MIB2: variants seen among roughly 807,000 people sequenced by gnomAD.
MIB2 encodes the protein E3 ubiquitin-protein ligase MIB2.
MIB2 carries 78 observed loss-of-function variants against 96.6 expected under a neutral mutation model. The ratio of observed to expected loss-of-function variants is 0.81; its 90% CI spans 0.67 to 0.97. MIB2 has a LOEUF of 0.97. Ranked by LOEUF, MIB2 falls within the 50% of genes least tolerant of loss-of-function variation. The probability of loss-of-function intolerance (pLI) is 0.00; values close to 1 mark genes in which losing one functional copy is unlikely to be tolerated. For missense variants in MIB2, 1,543 were observed against 1,424.0 expected, an observed-to-expected ratio of 1.08 and a Z score of -1.35; for synonymous variants, 820 against 629.5, an observed-to-expected ratio of 1.30 and a Z score of -4.53.
intron 18 of MIB2, 23 bp from the exon 19 acceptor site, chr1:1,629,616 C>T (rs760877262): frequency 3.2e-6 from 5 of 1,573,612 alleles, no homozygotes; most frequent in Admixed American, 3.6e-5. Flanking sequence ...GGGCCGCAGC[C>T]AACCGCGCTC....
chr1:1,630,077 C>G (rs1290812956), intron 19 of MIB2, among the ~76,000 whole-genome samples: 1 of 148,844 alleles, frequency 6.7e-6, no homozygotes, highest in African/African-American at 2.5e-5. Context: ...CTGACTCCAG[C>G]CCGCACACCA....
In MIB2 at chr1:1,615,633, G is replaced by T; in HGVS notation, c.-130G>T. 1 of 1,574,460 alleles carries T rather than the reference G, an allele frequency of 6.4e-7. No homozygotes were observed. The highest frequency in any genetic ancestry group is 8.6e-7 in the Non-Finnish European group (1 of 1,164,472). Reference sequence around the variant, plus strand: ...GATGCGGGCCGTCCTCTCGGCTGATGGTGCGTGCGGGCGCGGATCTCCTCC... The same window carrying T: ...GATGCGGGCCGTCCTCTCGGCTGATTGTGCGTGCGGGCGCGGATCTCCTCC... On this transcript the variant is annotated splice_region_variant and 5_prime_UTR_variant, in exon 1 of 20. It removes an upstream start codon present in the reference 5' UTR. Transcript: ENST00000355826.
chr1:1,623,091 T>G, intron 2 of MIB2: 7 of 445,468 alleles, frequency 1.6e-5, no homozygotes, highest in East Asian at 8.4e-5. Context: ...GTCCAGCTCA[T>G]TAATTGGCTG....
At chr1:1,617,376 A>G (rs537230634) in intron 2 of MIB2, 1 of 152,346 alleles carries the variant, frequency 6.6e-6, no homozygotes, top group Non-Finnish European at 1.5e-5. Context: ...TACTTGCAAT[A>G]AGGGAACTCT....
At position 1,623,822 on chromosome 1, in the gene MIB2, T is replaced by C. The variant is rs756559181; in HGVS notation, c.296T>C (p.Leu99Pro). ...IICDCCKKHGLRGMRWKCRVC... is the reference protein window; with the variant it reads ...IICDCCKKHGPRGMRWKCRVC... ...TGTGACTGCTGCAAGAAGCACGGGC[T>C]GCGGGGGATGCGCTGGAAGTGCCGT... Residue 99 changes from leucine to proline, a missense_variant, in exon 4 of 20, where the codon CTG becomes CCG. By Grantham distance (98) the Leu-to-Pro change is moderately conservative. Coordinates refer to ENST00000355826, the MANE Select transcript of MIB2 (RefSeq NM_001170687.4). 2 of 1,610,000 alleles carry C rather than the reference T, an allele frequency of 1.2e-6. No individual in the cohort carries two copies. The highest frequency in any genetic ancestry group is 1.1e-5 in the South Asian group (1 of 90,548).
At chr1:1,629,593 G>A in intron 18 of MIB2, 27 bp downstream of exon 18, 1 of 1,563,804 alleles carries the variant, frequency 6.4e-7, no homozygotes, top group African/African-American at 1.4e-5. Flanking sequence ...GGGGTGGGGA[G>A]GCCCGGCTAG....
intron 2 of MIB2, among the ~76,000 whole-genome samples, chr1:1,622,241 A>C (rs1476484020): frequency 6.6e-6 from 1 of 152,184 alleles, no homozygotes; most frequent in Non-Finnish European, 1.5e-5. Flanking sequence ...TAGTGGTTTA[A>C]TGAAAATTGA....
Position 1,626,760 on chromosome 1 carries a change from T to TC in MIB2, c.1077+11dup. On this transcript the variant is annotated splice_region_variant and intron_variant, in intron 9 of 19. Coordinates refer to ENST00000355826, the MANE Select transcript of MIB2 (RefSeq NM_001170687.4). This position sits in a 1 kb window ranked among gnomAD's most constrained non-coding sequence, Gnocchi z 5.3. ...GGACGGACGACATGGCCCCTGTGAG[T>TC]CCCCCTGCCACCCCCGCCGCTAGCG... The TC allele has an allele frequency of 6.4e-7, 1 of 1,555,412 alleles. No homozygotes were observed. Among genetic ancestry groups the TC allele is most frequent in the Non-Finnish European group, 8.7e-7 (1 of 1,155,222 alleles).
rs778162188 is a variant in MIB2 at position 1,627,817 on chromosome 1, C to T, written c.1668C>T (p.Asp556=). The stretch of plus-strand genomic sequence containing the variant: ...GGGCCCTGTGTGAGCGCGGCTGTGA[C>T]GTCAACCTGCCCGTGAGTGCTGCTC... ...VVRALCERGC[D]VNLPDAHSDT... The change falls in exon 13 of 20, where the codon GAC becomes GAT. Residue 556 remains aspartate (D), a synonymous_variant. Coordinates refer to ENST00000355826, the MANE Select transcript of MIB2 (RefSeq NM_001170687.4). 7.5e-6 allele frequency: 12 copies of T among 1,599,146 alleles called. No homozygotes were observed. The highest frequency in any genetic ancestry group is 2.2e-5 in the South Asian group (2 of 90,918).
At chr1:1,629,042 C>T (rs1166758299) in intron 16 of MIB2, 91 bp from the exon 17 acceptor site, 7 of 1,286,036 alleles carry the variant, frequency 5.4e-6, no homozygotes, top group African/African-American at 4.7e-5. Flanking sequence ...AGACATGGGG[C>T]GCCGGCTGCT....
At chr1:1,617,521 T>C (rs1643869687) in intron 2 of MIB2, 1 of 152,190 alleles carries the variant, frequency 6.6e-6, no homozygotes, top group Non-Finnish European at 1.5e-5. Context: ...AGACGGTAAA[T>C]GCTAAATGTG....
chr1:1,614,269 C>G (rs1014417334), upstream of MIB2: 1 of 152,234 alleles, frequency 6.6e-6, no homozygotes, highest in Non-Finnish European at 1.5e-5. Flanking sequence ...ATACCTGCAG[C>G]AGGCCTCCTC....
At position 1,627,346 on chromosome 1, in the gene MIB2, G is replaced by T. The variant is rs1442333430; in HGVS notation, c.1425G>T (p.Leu475=). 6.2e-7 allele frequency: 1 copy of T among 1,613,150 alleles called. No homozygotes were observed. Among genetic ancestry groups the T allele is most frequent in the African/African-American group, 1.3e-5 (1 of 75,064 alleles). Residue 475 remains leucine, a synonymous_variant, in exon 12 of 20, where the codon CTG becomes CTT. Coordinates refer to ENST00000355826, the MANE Select transcript of MIB2 (RefSeq NM_001170687.4). ...CCGCTCTGCAAGTGGCTGCCTACCT[G>T]GGCCAGGTGGAGTTGATACGGCTGC... is the stretch of plus-strand genomic sequence containing the variant. ...GRTALQVAAY[L]GQVELIRLLL...
At chr1:1,617,732 C>T (rs995489118) in intron 2 of MIB2, 1 of 152,152 alleles carries the variant, frequency 6.6e-6, no homozygotes, top group African/African-American at 2.4e-5. Flanking sequence ...TCCGATTTGC[C>T]AAAGCACATC....
upstream of MIB2, chr1:1,615,197 C>A: frequency 3.4e-6 from 2 of 585,052 alleles, no homozygotes; most frequent in Non-Finnish European, 2.7e-6. Context: ...TGACTCAAAA[C>A]CCCGGATAGG....
intron 4 of MIB2, 171 bp from the exon 5 acceptor site, chr1:1,624,624 G>A: frequency 1.4e-6 from 1 of 692,626 alleles, no homozygotes; most frequent in Non-Finnish European, 2.6e-6. Flanking sequence ...ACAGCGTGTG[G>A]AGGATGCTGA....
rs192023518 is a variant in MIB2, at chr1:1,627,513, C to T, written c.1523+69C>T. 1.4e-3 allele frequency: 2,089 copies of T among 1,508,286 alleles called. 50 individuals carry two copies. In the African/African-American group the frequency reaches 0.028, roughly 21 times the overall value. 93.4% of individuals were successfully genotyped at this position (1,508,286 alleles called of 1,614,324 possible). A position where few individuals can be genotyped will look rare whatever the true frequency, so the allele number is the denominator to read the frequency against. ...GTCCTGGGGTGAGGCCTGGGAGGGGCCCGGCCGGCGGGGCTGAGCCTGTGC... is the reference window on the plus strand; with the variant it reads ...GTCCTGGGGTGAGGCCTGGGAGGGGTCCGGCCGGCGGGGCTGAGCCTGTGC... On this transcript the variant is annotated intron_variant, in intron 12 of 19. Coordinates refer to ENST00000355826, the MANE Select transcript of MIB2 (RefSeq NM_001170687.4).
chr1:1,618,701 A>G (rs1422687602), intron 2 of MIB2: 1 of 152,376 alleles, frequency 6.6e-6, no homozygotes, highest in Non-Finnish European at 1.5e-5. Flanking sequence ...TCCCTCTGAC[A>G]TGGGCAGGCT....
intron 2 of MIB2, chr1:1,623,051 A>T: frequency 1.8e-5 from 6 of 331,876 alleles, no homozygotes; most frequent in Non-Finnish European, 2.8e-5. Context: ...GTCTCGGGGG[A>T]CGGCAGCTCT....
Sources: gnomAD v4.1 joint callset for allele counts (sites outside exome capture counted in the v4.1 genomes callset) on GRCh38, gnomAD v4.1.1 for gene constraint, Gnocchi (gnomAD v3.1) non-coding constraint, MANE v1.5 for transcripts, NCBI Gene and HGNC (gene_info 2026-07-23, HGNC 2026-07-21) for gene names.